CHRNA1: variants seen among roughly 807,000 people sequenced by gnomAD.
The protein encoded by CHRNA1 is acetylcholine receptor subunit alpha.
CHRNA1 carries 35 observed loss-of-function variants against 47.1 expected under a neutral mutation model. The observed-to-expected ratio is 0.74, with a 90% CI of 0.57 to 0.99. CHRNA1 has a LOEUF of 0.99. CHRNA1 is among the 50% of genes least tolerant of loss of function. The pLI is 0.00. For synonymous variants in CHRNA1, 229 were observed against 223.6 expected (o/e 1.02, Z -0.22); for missense variants, 506 against 591.1 (o/e 0.86, Z 1.49).
At chr2:174,751,518 CT>C (rs764965684) in intron 6 of CHRNA1, among the ~76,000 whole-genome samples, 1 of 152,026 alleles carries the variant, frequency 6.6e-6, no homozygotes, top group Non-Finnish European at 1.5e-5. Flanking sequence ...GTAGGAAAAC[CT>C]TTCAAAGTGA....
At position 174,754,388 on chromosome 2, in the gene CHRNA1, T is replaced by C. The variant is rs1279223531; in HGVS notation, c.371A>G (p.Lys124Arg). Residue 124 changes from lysine to arginine, a missense_variant, in exon 5 of 9, where the codon AAG (lysine) becomes AGG (arginine). Coordinates refer to ENST00000348749, the MANE Select transcript of CHRNA1 (RefSeq NM_000079.4). ...NNADGDFAIV[K>R]FTKVLLQYTG... ...GTACTGCAGGAGCACTTTGGTGAACTTGACAATAGCAAAGTCACCATCTGC... is the reference window on the plus strand; with the variant it reads ...GTACTGCAGGAGCACTTTGGTGAACCTGACAATAGCAAAGTCACCATCTGC... 6 of 1,613,982 alleles carry C rather than the reference T, an allele frequency of 3.7e-6. No homozygotes were observed. Among genetic ancestry groups the C allele is most frequent in the Non-Finnish European group, 3.4e-6 (4 of 1,180,022 alleles).
At chr2:174,758,997 G>C (rs1486248217) in intron 3 of CHRNA1, among the ~76,000 whole-genome samples, 2 of 152,040 alleles carry the variant, frequency 1.3e-5, no homozygotes, top group Non-Finnish European at 2.9e-5. Flanking sequence ...GAGAGTCCTA[G>C]GACAGATTCT....
rs1011597805 is a variant in CHRNA1, at chr2:174,750,217, G to C, written c.779-48C>G. 2.0e-6 allele frequency: 3 copies of C among 1,488,264 alleles called. No individual in the cohort carries two copies. The South Asian group carries it at 3.5e-5, about 17-fold the overall frequency. 92.2% of individuals were successfully genotyped at this position (1,488,264 alleles called of 1,614,324 possible). ...AAAAAATCCCACAACTACCCATCTG[G>C]GTTGGGCTGCAGTGTTCCTCCCACC... On this transcript the variant is annotated intron_variant, in intron 6 of 8. Transcript: ENST00000348749.
Position 174,753,722 on chromosome 2 carries a change from G to A in CHRNA1, c.559C>T (p.Leu187=). 2 of 1,614,084 alleles carry A rather than the reference G, an allele frequency of 1.2e-6. No individual in the cohort carries two copies. The highest frequency in any genetic ancestry group is 1.7e-6 in the Non-Finnish European group (2 of 1,179,978). ...TCCCCGCTCTCCATGAAGTTGCTCA[G>A]GTCTGGCTGGTCGCTTTCCTGAGAA... The part of the protein sequence containing the change: ...AINPESDQPD[L]SNFMESGEWV... The change falls in exon 6 of 9, where the codon CTG becomes TTG. Residue 187 remains leucine (L), a synonymous_variant. Transcript: ENST00000348749.
intron 7 of CHRNA1, 104 bp downstream of exon 7, chr2:174,749,842 G>T (rs1451879308): frequency 2.0e-6 from 2 of 1,018,856 alleles, no homozygotes; most frequent in South Asian, 2.7e-5. Context: ...AGAGAACTTA[G>T]TTCCTAAATA....
chr2:174,754,879 A>ACT (rs796418483), intron 4 of CHRNA1, among the ~76,000 whole-genome samples: 3,205 of 125,844 alleles, frequency 0.025, 148 homozygotes, highest in African/African-American at 0.1. Flanking sequence ...GGGGCCTACT[A>ACT]CTCTTTTTTT....
At chr2:174,754,673 G>A (rs912988392) in intron 4 of CHRNA1, among the ~76,000 whole-genome samples, 1 of 151,894 alleles carries the variant, frequency 6.6e-6, no homozygotes, top group African/African-American at 2.4e-5. Flanking sequence ...AAGAATGTGG[G>A]AACCCACAGT....
At chr2:174,751,451 T>C (rs778028322) in intron 6 of CHRNA1, among the ~76,000 whole-genome samples, 3 of 152,342 alleles carry the variant, frequency 2.0e-5, no homozygotes, top group African/African-American at 2.4e-5. Flanking sequence ...AGAATATGTA[T>C]GTATGTATAC....
At chr2:174,757,846 A>G (rs2105350819) in intron 3 of CHRNA1, 171 bp from the exon 4 acceptor site, 1 of 935,252 alleles carries the variant, frequency 1.1e-6, no homozygotes, top group Admixed American at 2.0e-5. Flanking sequence ...AACAGCAAAT[A>G]TATAGCACTG....
At chr2:174,755,801 T>G (rs1334368895) in intron 4 of CHRNA1, among the ~76,000 whole-genome samples, 1 of 152,164 alleles carries the variant, frequency 6.6e-6, no homozygotes, top group Non-Finnish European at 1.5e-5. Flanking sequence ...TTTGGAAGAC[T>G]AAGGCAGGAA....
chr2:174,754,553 T>C (rs1558912552), intron 4 of CHRNA1, 139 bp from the exon 5 acceptor site: 2 of 750,026 alleles, frequency 2.7e-6, no homozygotes, highest in Non-Finnish European at 4.6e-6. Context: ...CGTCACTTTT[T>C]ATCTATTGCA....
At chr2:174,759,164 A>AAAAAGC (rs1398405131) in intron 3 of CHRNA1, among the ~76,000 whole-genome samples, 167 bp downstream of exon 3, 1 of 152,190 alleles carries the variant, frequency 6.6e-6, no homozygotes, top group Admixed American at 6.5e-5. Flanking sequence ...AAAGTTTAAA[A>AAAAAGC]AAAAGCAAAA....
chr2:174,755,398 C>T (rs990751666), intron 4 of CHRNA1, among the ~76,000 whole-genome samples: 1 of 151,520 alleles, frequency 6.6e-6, no homozygotes, highest in African/African-American at 2.4e-5. Flanking sequence ...GATTCTTCCT[C>T]GGAAGCTGGA....
In CHRNA1 at chr2:174,747,672, G is replaced by T; in HGVS notation, c.*452C>A. 4.8e-6 allele frequency: 1 copy of T among 209,692 alleles called. No individual in the cohort carries two copies. Among genetic ancestry groups the T allele is most frequent in the South Asian group, 7.9e-5 (1 of 12,590 alleles). The allele number at this position is 209,692 out of a possible 1,614,324, so 13.0% of individuals were successfully genotyped here. ...CAAATCAAATGCCTTATCTCTTTAGGACTGGTAGATGGGGTTTTCTTAGTA... is the reference window on the plus strand; with the variant it reads ...CAAATCAAATGCCTTATCTCTTTAGTACTGGTAGATGGGGTTTTCTTAGTA... On this transcript the variant is annotated 3_prime_UTR_variant, in exon 9 of 9. Coordinates refer to ENST00000348749, the MANE Select transcript of CHRNA1 (RefSeq NM_000079.4).
At position 174,748,361 on chromosome 2, in the gene CHRNA1, AG is replaced by A. The variant is rs1683776850; in HGVS notation, c.1243-107del. On this transcript the variant is annotated intron_variant, in intron 8 of 8. Transcript: ENST00000348749. ...GGGCCCTTCAATTTGTAGATCTCAA[AG>A]TCCTCCCATCCCTTGGCTGGCATCG... is the stretch of plus-strand genomic sequence containing the variant. 4 of 1,512,374 alleles carry A rather than the reference AG, an allele frequency of 2.6e-6. No individual in the cohort carries two copies. In the South Asian group the frequency reaches 4.7e-5, roughly 18 times the overall value. 93.7% of individuals were successfully genotyped at this position (1,512,374 alleles called of 1,614,324 possible). A position where few individuals can be genotyped will look rare whatever the true frequency, so the allele number is the denominator to read the frequency against.
chr2:174,753,650 A>C lies in CHRNA1; in HGVS notation c.631T>G (p.Ser211Ala). Residue 211 changes from serine (S) to alanine (A), a missense_variant, in exon 6 of 9, where the codon TCC (serine) becomes GCC (alanine). Ser to Ala is a moderately conservative substitution (Grantham distance 99). Transcript: ENST00000348749. ...AGGTAGGGGGTGTCGGGGCAGCAGGAATAGGTCACGGAGTGCTTCCAGCCC... is the reference window on the plus strand; with the variant it reads ...AGGTAGGGGGTGTCGGGGCAGCAGGCATAGGTCACGGAGTGCTTCCAGCCC... ...SRGWKHSVTY[S>A]CCPDTPYLDI... 2 of 1,614,130 alleles carry C rather than the reference A, an allele frequency of 1.2e-6. No individual in the cohort carries two copies. The highest frequency in any genetic ancestry group is 1.7e-6 in the Non-Finnish European group (2 of 1,180,024).
At chr2:174,760,054 A>G (rs1033881418) in intron 1 of CHRNA1, among the ~76,000 whole-genome samples, 2 of 152,220 alleles carry the variant, frequency 1.3e-5, no homozygotes, top group African/African-American at 4.8e-5. Context: ...TGCCATGAAC[A>G]GCCAAAATTG....
intron 3 of CHRNA1, among the ~76,000 whole-genome samples, 171 bp downstream of exon 3, chr2:174,759,160 T>TA (rs1052619760): frequency 4.0e-5 from 6 of 151,820 alleles, no homozygotes; most frequent in Non-Finnish European, 4.4e-5. Context: ...CCCTAAAGTT[T>TA]AAAAAAAAGC....
chr2:174,754,808 C>A (rs1381557289), intron 4 of CHRNA1, among the ~76,000 whole-genome samples: 8 of 151,408 alleles, frequency 5.3e-5, no homozygotes, highest in African/African-American at 1.7e-4. Context: ...GGAAAAAAAA[C>A]ACAGGAATTT....
Sources: allele counts gnomAD v4.1 joint callset (sites outside exome capture counted in the v4.1 genomes callset), GRCh38; gene constraint gnomAD v4.1.1; transcripts MANE v1.5; gene names NCBI Gene and HGNC (gene_info 2026-07-23, HGNC 2026-07-21).